GRM1: variants seen among roughly 807,000 people sequenced by gnomAD.
GRM1 encodes the protein glutamate metabotropic receptor 1.
Under a neutral mutation model 90.9 loss-of-function variants are expected in GRM1, and 33 were observed. The ratio of observed to expected loss-of-function variants is 0.36; its 90% confidence interval spans 0.28 to 0.49. GRM1 has a LOEUF of 0.49. Among genes scored for constraint, GRM1 ranks in the 20% least tolerant of loss-of-function variants. GRM1 has a pLI of 0.99. For missense variants in GRM1, 1,190 were observed against 1,534.3 expected (o/e 0.78, Z 3.75); for synonymous variants, 700 against 613.2 (o/e 1.14, Z -2.09).
chr6:146,205,051 A>G (rs1217472178), intron 2 of GRM1, among the ~76,000 whole-genome samples: 2 of 152,242 alleles, frequency 1.3e-5, no homozygotes, highest in Non-Finnish European at 2.9e-5. Context: ...AAAATGTCCA[A>G]TGACTTCATT....
intron 7 of GRM1, among the ~76,000 whole-genome samples, chr6:146,400,918 TTTA>T (rs1049268316): frequency 6.6e-6 from 1 of 152,150 alleles, no homozygotes; most frequent in Non-Finnish European, 1.5e-5. Context: ...CTTGTATTTA[TTTA>T]TTATTATTAT....
At chr6:146,245,497 CA>C (rs889291034) in intron 2 of GRM1, among the ~76,000 whole-genome samples, 73 of 152,072 alleles carry the variant, frequency 4.8e-4, no homozygotes, top group African/African-American at 1.7e-3. Flanking sequence ...ATACTGTTAC[CA>C]AAAGTGATGC....
chr6:146,109,614 C>T (rs1775470293), intron 1 of GRM1, among the ~76,000 whole-genome samples: 1 of 152,184 alleles, frequency 6.6e-6, no homozygotes, highest in South Asian at 2.1e-4. Context: ...ACTACTGTGG[C>T]ACCGCCTAGT....
intron 7 of GRM1, chr6:146,426,470 C>T: frequency 8.3e-7 from 1 of 1,201,586 alleles, no homozygotes. Context: ...GGCTCAGGGC[C>T]AGGCACTGCC....
intron 1 of GRM1, among the ~76,000 whole-genome samples, chr6:146,126,104 G>A (rs950241483): frequency 6.6e-6 from 1 of 151,986 alleles, no homozygotes; most frequent in Non-Finnish European, 1.5e-5. Flanking sequence ...CTTTAGGGAG[G>A]CATCTTATAC....
At chr6:146,194,064 TA>T (rs748306966) in intron 2 of GRM1, among the ~76,000 whole-genome samples, 65 of 152,298 alleles carry the variant, frequency 4.3e-4, no homozygotes, top group East Asian at 2.1e-3. Context: ...TTTTTCTTGA[TA>T]TTTTTGTTAT....
intron 6 of GRM1, among the ~76,000 whole-genome samples, chr6:146,388,151 C>T (rs1776576942): frequency 1.3e-5 from 2 of 151,938 alleles, no homozygotes; most frequent in South Asian, 4.2e-4. Context: ...TTTTAGGAGC[C>T]ATAGAGGCTT....
chr6:146,392,356 C>T (rs1776757772), intron 6 of GRM1, among the ~76,000 whole-genome samples: 1 of 152,068 alleles, frequency 6.6e-6, no homozygotes, highest in Non-Finnish European at 1.5e-5. Flanking sequence ...CTCTTGGTCC[C>T]TTGGTGTTGA....
intron 1 of GRM1, among the ~76,000 whole-genome samples, chr6:146,094,974 C>A (rs1473236454): frequency 1.3e-5 from 2 of 151,984 alleles, no homozygotes; most frequent in Admixed American, 1.3e-4. Context: ...TTCAGATGTT[C>A]ATAGAGTTGT....
chr6:146,288,715 A>G (rs771253022), intron 2 of GRM1, among the ~76,000 whole-genome samples: 11 of 152,112 alleles, frequency 7.2e-5, no homozygotes, highest in South Asian at 4.1e-4. Context: ...CATATCGGCC[A>G]GGGTGGTCTC....
chr6:146,379,349 A>T (rs1459013825), intron 5 of GRM1, among the ~76,000 whole-genome samples: 1 of 152,118 alleles, frequency 6.6e-6, no homozygotes. Flanking sequence ...TGCTTGATCC[A>T]TTCTGCATTA....
chr6:146,172,713 T>C (rs1056482968), intron 2 of GRM1, among the ~76,000 whole-genome samples: 6 of 152,196 alleles, frequency 3.9e-5, no homozygotes, highest in Admixed American at 3.9e-4. Context: ...GAGGGCACTA[T>C]ATTTCCACAA....
At chr6:146,183,099 A>T (rs1778607103) in intron 2 of GRM1, among the ~76,000 whole-genome samples, 1 of 152,088 alleles carries the variant, frequency 6.6e-6, no homozygotes, top group Non-Finnish European at 1.5e-5. Flanking sequence ...TCATTCCATC[A>T]TCCTCTCTGG....
intron 3 of GRM1, among the ~76,000 whole-genome samples, chr6:146,312,080 G>A (rs1386153683): frequency 2.0e-5 from 3 of 152,066 alleles, no homozygotes; most frequent in African/African-American, 7.2e-5. Flanking sequence ...GGTGGCTCAC[G>A]CCTGTAATCC....
chr6:146,157,480 A>G (rs990748498), intron 1 of GRM1, among the ~76,000 whole-genome samples: 4 of 152,224 alleles, frequency 2.6e-5, no homozygotes, highest in Non-Finnish European at 2.9e-5. Context: ...TTAGAAGTCA[A>G]CTAAGACAAA....
chr6:146,098,649 C>A (rs1323886092), intron 1 of GRM1, among the ~76,000 whole-genome samples: 51 of 151,782 alleles, frequency 3.4e-4, no homozygotes, highest in Non-Finnish European at 1.5e-5. Flanking sequence ...TGTCCCCAAC[C>A]AAGTCTCATC....
chr6:146,248,512 G>T (rs1372459177), intron 2 of GRM1, among the ~76,000 whole-genome samples: 1 of 152,120 alleles, frequency 6.6e-6, no homozygotes, highest in Non-Finnish European at 1.5e-5. Context: ...ATGTAAAGAA[G>T]GTCCTTGCTT....
rs140034833 is a variant in GRM1 at position 146,121,884 on chromosome 6, G to A, written c.701-37464G>A. Among the ~76,000 whole-genome samples, 602 of 152,310 alleles carry A rather than the reference G, an allele frequency of 4.0e-3. 17 individuals are homozygous for A. The East Asian group carries it at 0.069, about 17-fold the overall frequency. ...GTCAATTTTGGAATAAGTGCAATGT[G>A]GTGCTGAGAAGAATGTATATTCTGT... is the stretch of plus-strand genomic sequence containing the variant. On this transcript the variant is annotated intron_variant, in intron 1 of 7. Transcript: ENST00000282753.
At chr6:146,333,210 G>A (rs1211591166) in intron 3 of GRM1, among the ~76,000 whole-genome samples, 1 of 152,136 alleles carries the variant, frequency 6.6e-6, no homozygotes, top group Non-Finnish European at 1.5e-5. Context: ...CAGCTGGCAT[G>A]AGGCTCAGGC....
Sources: gnomAD v4.1 joint callset for allele counts (sites outside exome capture counted in the v4.1 genomes callset) on GRCh38, gnomAD v4.1.1 for gene constraint, MANE v1.5 for transcripts, NCBI Gene and HGNC (gene_info 2026-07-23, HGNC 2026-07-21) for gene names.